Variants in SETBP1 observed in about 807,000 individuals in gnomAD.
The protein encoded by SETBP1 is SET binding protein 1, also known as SET-binding protein.
A neutral mutation model predicts 101.0 loss-of-function variants in SETBP1; 9 were observed. The ratio of observed to expected loss-of-function variants is 0.09; its 90% CI spans 0.05 to 0.16. The LOEUF (loss-of-function observed/expected upper bound fraction) is 0.16, where lower values mean the gene tolerates loss of function less well. Among genes scored for constraint, SETBP1 ranks in the 10% least tolerant of loss-of-function variants. The probability of loss-of-function intolerance (pLI) is 1.00; values close to 1 mark genes in which losing one functional copy is unlikely to be tolerated. For synonymous variants in SETBP1, 818 were observed against 788.5 expected, an observed-to-expected ratio of 1.04 and a Z score of -0.63; for missense variants, 1,858 against 2,033.8, an observed-to-expected ratio of 0.91 and a Z score of 1.66.
At chr18:45,047,802 G>A (rs2073641806) in intron 5 of SETBP1, among the ~76,000 whole-genome samples, 1 of 152,108 alleles carries the variant, frequency 6.6e-6, no homozygotes, top group Non-Finnish European at 1.5e-5. Context: ...AGAGAAAGGA[G>A]GCAGGGACAG....
At chr18:44,897,586 TGAGTTGTGTGG>T (rs2069936487) in intron 3 of SETBP1, among the ~76,000 whole-genome samples, 1 of 152,110 alleles carries the variant, frequency 6.6e-6, no homozygotes, top group Non-Finnish European at 1.5e-5. Flanking sequence ...TAGCATTAAT[TGAGTTGTGTGG>T]GAAACACTGC....
At chr18:44,920,249 A>G (rs1393150056) in intron 3 of SETBP1, among the ~76,000 whole-genome samples, 1 of 152,166 alleles carries the variant, frequency 6.6e-6, no homozygotes, top group Non-Finnish European at 1.5e-5. Flanking sequence ...CCATAGGAGT[A>G]TGAATCCATG....
At chr18:45,025,057 A>G (rs909492946) in intron 4 of SETBP1, among the ~76,000 whole-genome samples, 6 of 152,320 alleles carry the variant, frequency 3.9e-5, no homozygotes, top group African/African-American at 1.4e-4. Flanking sequence ...TCCACTAACA[A>G]GATAACAAAT....
chr18:45,004,963 G>A (rs2072693947), intron 4 of SETBP1, among the ~76,000 whole-genome samples: 1 of 152,212 alleles, frequency 6.6e-6, no homozygotes, highest in African/African-American at 2.4e-5. Flanking sequence ...TATAGCTGGT[G>A]TGGGACAAAG....
At chr18:44,912,625 G>T (rs1199255313) in intron 3 of SETBP1, among the ~76,000 whole-genome samples, 1 of 152,000 alleles carries the variant, frequency 6.6e-6, no homozygotes, top group African/African-American at 2.4e-5. Context: ...CATCGTGTTT[G>T]CCAGGATGGT....
intron 3 of SETBP1, among the ~76,000 whole-genome samples, chr18:44,947,031 T>C (rs1265912240): frequency 6.6e-5 from 10 of 152,242 alleles, no homozygotes; most frequent in Non-Finnish European, 1.5e-4. Flanking sequence ...TGGATGTTTA[T>C]TGAGTGCCTA....
rs922133534 is a variant in SETBP1 at position 45,034,294 on chromosome 18, A to G, written c.4001-4191A>G. 2.3e-4 allele frequency among the ~76,000 whole-genome samples: 35 copies of G among 152,320 alleles called. 1 individual carries two copies. Among genetic ancestry groups the G allele is most frequent in the Admixed American group, 5.9e-4 (9 of 15,302 alleles). The stretch of plus-strand genomic sequence containing the variant: ...GGGCAGTCAATAACCTGGCCGCTAG[A>G]TGCAGCGCCTGCCACTGATTTTGAT... On this transcript the variant is annotated intron_variant, in intron 4 of 5. Transcript: ENST00000649279.
At chr18:44,786,815 G>T (rs1012949391) in intron 2 of SETBP1, among the ~76,000 whole-genome samples, 6 of 152,200 alleles carry the variant, frequency 3.9e-5, no homozygotes, top group African/African-American at 1.4e-4. Context: ...TAAGGAGGGA[G>T]GGGTTGTATT....
intron 2 of SETBP1, among the ~76,000 whole-genome samples, chr18:44,798,546 C>G (rs2071531057): frequency 6.6e-6 from 1 of 152,034 alleles, no homozygotes; most frequent in South Asian, 2.1e-4. Context: ...AAACTTATAC[C>G]CCAGGGTGGA....
intron 4 of SETBP1, among the ~76,000 whole-genome samples, chr18:44,998,749 A>G (rs926314824): frequency 3.3e-5 from 5 of 152,176 alleles, no homozygotes; most frequent in Admixed American, 6.5e-5. Context: ...ATCCACAGGG[A>G]TGTTGGTTTA....
intron 2 of SETBP1, among the ~76,000 whole-genome samples, chr18:44,719,026 A>G (rs2069526099): frequency 6.6e-6 from 1 of 152,186 alleles, no homozygotes; most frequent in Non-Finnish European, 1.5e-5. Flanking sequence ...TCTGGTGTCT[A>G]TGTGAAGACA....
chr18:44,951,307 G>C lies in SETBP1; in HGVS notation c.1967G>C (p.Gly656Ala). Residue 656 changes from glycine to alanine, a missense_variant, in exon 4 of 6, where the codon GGC becomes GCC. Physicochemically the swap from Gly to Ala is moderately conservative, Grantham distance 60. Transcript: ENST00000649279. This position sits in a 1 kb window ranked among gnomAD's most constrained non-coding sequence, Gnocchi z 7.8. The stretch of plus-strand genomic sequence containing the variant: ...TTTCACAAGAAAGTTGGAAAGCTCG[G>C]CGTGTTGGATAAGAAGACCATCAAA... ...MKFHKKVGKL[G>A]VLDKKTIKTI... 2 of 1,613,588 alleles carry C rather than the reference G, an allele frequency of 1.2e-6. No individual in the cohort carries two copies. Among genetic ancestry groups the C allele is most frequent in the Non-Finnish European group, 1.7e-6 (2 of 1,180,030 alleles).
intron 1 of SETBP1, among the ~76,000 whole-genome samples, chr18:44,689,427 T>C (rs368372664): frequency 4.6e-5 from 7 of 152,190 alleles, no homozygotes; most frequent in African/African-American, 1.4e-4. Context: ...AGACTCAATG[T>C]GCCTGTTATA....
intron 4 of SETBP1, among the ~76,000 whole-genome samples, chr18:45,015,055 T>C (rs1301655889): frequency 1.3e-5 from 2 of 152,146 alleles, no homozygotes; most frequent in Non-Finnish European, 2.9e-5. Flanking sequence ...GTGGCGAGCA[T>C]GCCAGGGCTT....
At chr18:44,976,047 T>C (rs971869677) in intron 4 of SETBP1, among the ~76,000 whole-genome samples, 11 of 149,820 alleles carry the variant, frequency 7.3e-5, no homozygotes, top group Non-Finnish European at 1.2e-4. Flanking sequence ...ATTCAGTGTT[T>C]AGTAAGTCGA....
rs933705655 is a variant in SETBP1, at chr18:44,781,661, T to A, written c.486+79829T>A. Among the ~76,000 whole-genome samples, 3 of 152,148 alleles carry A rather than the reference T, an allele frequency of 2.0e-5. No individual in the cohort carries two copies. In the South Asian group the frequency reaches 6.2e-4, roughly 32 times the overall value. On this transcript the variant is annotated intron_variant, in intron 2 of 5. Transcript: ENST00000649279. ...AAGAAATGTGTAATCCCTCATAGAT[T>A]CCCCTCTTGAAAGAATTTTTCCATT...
At chr18:44,946,277 G>A (rs2071205681) in intron 3 of SETBP1, among the ~76,000 whole-genome samples, 1 of 152,184 alleles carries the variant, frequency 6.6e-6, no homozygotes, top group Non-Finnish European at 1.5e-5. Context: ...TGAAATGGTA[G>A]GAACAATGGG....
At position 44,950,264 on chromosome 18, in the gene SETBP1, C is replaced by T. The variant is rs757245628; in HGVS notation, c.924C>T (p.Cys308=). Reference sequence around the variant, plus strand: ...CCCCACCCAGCAGCTCTGCTGAGTGCAACGGGCTTCAGCCCTTGGTGGATC... The same window carrying T: ...CCCCACCCAGCAGCTCTGCTGAGTGTAACGGGCTTCAGCCCTTGGTGGATC... ...SPAPPSSSAE[C]NGLQPLVDQD... Residue 308 remains cysteine (C), a synonymous_variant, in exon 4 of 6, where the codon TGC becomes TGT. Coordinates refer to ENST00000649279, the MANE Select transcript of SETBP1 (RefSeq NM_015559.3). 1 of 1,614,020 alleles carries T rather than the reference C, an allele frequency of 6.2e-7. No homozygotes were observed. Among genetic ancestry groups the T allele is most frequent in the Non-Finnish European group, 8.5e-7 (1 of 1,180,034 alleles).
intron 3 of SETBP1, among the ~76,000 whole-genome samples, chr18:44,897,929 A>G (rs1324522980): frequency 1.3e-5 from 2 of 152,164 alleles, no homozygotes; most frequent in Non-Finnish European, 2.9e-5. Flanking sequence ...TGAAGTATTG[A>G]GACTTCCAGT....
Sources: gnomAD v4.1 joint callset for allele counts (sites outside exome capture counted in the v4.1 genomes callset) on GRCh38, gnomAD v4.1.1 for gene constraint, Gnocchi (gnomAD v3.1) non-coding constraint, MANE v1.5 for transcripts, NCBI Gene and HGNC (gene_info 2026-07-23, HGNC 2026-07-21) for gene names.